CDH9: variants seen among roughly 807,000 people sequenced by gnomAD.
CDH9 encodes cadherin-9.
Under a neutral mutation model 70.9 loss-of-function variants are expected in CDH9, and 28 were observed. The ratio of observed to expected loss-of-function variants is 0.40; its 90% CI spans 0.29 to 0.54. CDH9 has a LOEUF of 0.54. Among genes scored for constraint, CDH9 ranks in the 20% least tolerant of loss-of-function variants. The pLI is 0.59. For synonymous variants in CDH9, 409 were observed against 343.1 expected (o/e 1.19, Z -2.12); for missense variants, 874 against 984.4 (o/e 0.89, Z 1.50).
rs548401410 is a variant in CDH9 at position 26,921,004 on chromosome 5, G to A, written c.229-5080C>T. ...AGACTAGTGAGGAAAACATGACTTC[G>A]TCAAATGAACTAAATAGGGCACCAG... On this transcript the variant is annotated intron_variant, in intron 2 of 11. Coordinates refer to ENST00000231021, the MANE Select transcript of CDH9 (RefSeq NM_016279.4). Among the ~76,000 whole-genome samples, 11 of 152,226 alleles carry A rather than the reference G, an allele frequency of 7.2e-5. No homozygotes were observed. The East Asian group carries it at 1.9e-3, about 27-fold the overall frequency.
At chr5:26,912,958 G>A (rs1173120568) in intron 3 of CDH9, among the ~76,000 whole-genome samples, 2 of 152,082 alleles carry the variant, frequency 1.3e-5, no homozygotes, top group Non-Finnish European at 2.9e-5. Flanking sequence ...CCCTGCACAA[G>A]CTCTCTTTCT....
intron 2 of CDH9, among the ~76,000 whole-genome samples, chr5:26,943,145 A>C (rs1008374028): frequency 6.6e-6 from 1 of 152,152 alleles, no homozygotes; most frequent in Non-Finnish European, 1.5e-5. Flanking sequence ...CCAAAAATGC[A>C]AACACAAAAC....
At chr5:26,899,526 C>G (rs1405129131) in intron 7 of CDH9, among the ~76,000 whole-genome samples, 2 of 152,102 alleles carry the variant, frequency 1.3e-5, no homozygotes, top group Non-Finnish European at 2.9e-5. Context: ...TGGAAATCAT[C>G]ATTCTCAACA....
At position 26,955,131 on chromosome 5, in the gene CDH9, C is replaced by G. The variant is rs1321842449; in HGVS notation, c.228+32975G>C. Among the ~76,000 whole-genome samples the G allele has an allele frequency of 9.8e-5, 15 of 152,336 alleles. No homozygotes were observed. The East Asian group carries it at 2.3e-3, about 23-fold the overall frequency. On this transcript the variant is annotated intron_variant, in intron 2 of 11. Transcript: ENST00000231021. The stretch of plus-strand genomic sequence containing the variant: ...ACTTAAAACCAAGAATCTCCATATA[C>G]TATTTCTCAACTCTTCTTTTCCAGT...
intron 2 of CDH9, among the ~76,000 whole-genome samples, chr5:26,937,528 T>C (rs939258930): frequency 6.6e-6 from 1 of 152,160 alleles, no homozygotes; most frequent in African/African-American, 2.4e-5. Context: ...TTGAAAAGCC[T>C]GTTGCATGAA....
intron 2 of CDH9, among the ~76,000 whole-genome samples, chr5:26,966,080 G>C (rs1742124312): frequency 6.6e-6 from 1 of 152,044 alleles, no homozygotes; most frequent in Admixed American, 6.6e-5. Context: ...CTTCACTGTT[G>C]TGCTTCTCTT....
intron 2 of CDH9, among the ~76,000 whole-genome samples, chr5:26,950,161 G>T (rs2112045812): frequency 6.6e-6 from 1 of 152,232 alleles, no homozygotes; most frequent in African/African-American, 2.4e-5. Flanking sequence ...TTGCTACTGG[G>T]TATAGAAGGA....
At chr5:27,014,629 C>T (rs1403815696) in intron 1 of CDH9, among the ~76,000 whole-genome samples, 2 of 151,710 alleles carry the variant, frequency 1.3e-5, no homozygotes, top group Non-Finnish European at 2.9e-5. Context: ...ATATGTACAT[C>T]ATACTTATAT....
rs146212474 is a variant in CDH9, at chr5:26,927,867, C to T, written c.229-11943G>A. ...ATGACACTGTCTGAAAACATCACCC[C>T]TACTTCTCTTATTAGTGGCCCCCAC... On this transcript the variant is annotated intron_variant, in intron 2 of 11. Transcript: ENST00000231021. 8.9e-3 allele frequency among the ~76,000 whole-genome samples: 1,359 copies of T among 152,070 alleles called. 21 individuals carry two copies. Among genetic ancestry groups the T allele is most frequent in the African/African-American group, 0.032 (1,309 of 41,494 alleles).
At chr5:26,961,950 A>T (rs1486499064) in intron 2 of CDH9, among the ~76,000 whole-genome samples, 4 of 152,010 alleles carry the variant, frequency 2.6e-5, no homozygotes, top group Admixed American at 2.6e-4. Flanking sequence ...TACATTAGGT[A>T]TTTCTCCTAA....
intron 2 of CDH9, among the ~76,000 whole-genome samples, chr5:26,930,147 A>G (rs1404024708): frequency 6.6e-6 from 1 of 152,070 alleles, no homozygotes; most frequent in Non-Finnish European, 1.5e-5. Context: ...ATAAATATAA[A>G]AAATTCAAAA....
chr5:26,903,263 A>G (rs1740887363), intron 6 of CDH9: 2 of 325,440 alleles, frequency 6.1e-6, no homozygotes, highest in South Asian at 2.7e-5. Context: ...GAAAACACAA[A>G]GCATCTTCAG....
chr5:26,965,669 A>C (rs1327866193), intron 2 of CDH9, among the ~76,000 whole-genome samples: 3 of 151,346 alleles, frequency 2.0e-5, no homozygotes. Flanking sequence ...AAAATTGGAC[A>C]ACTAGAAACT....
chr5:27,022,098 G>C (rs919439785), intron 1 of CDH9, among the ~76,000 whole-genome samples: 4 of 151,792 alleles, frequency 2.6e-5, no homozygotes, highest in African/African-American at 7.3e-5. Flanking sequence ...GATAAAACAC[G>C]GTTAAGAATA....
At chr5:27,013,572 A>G (rs1176929162) in intron 1 of CDH9, among the ~76,000 whole-genome samples, 1 of 151,916 alleles carries the variant, frequency 6.6e-6, no homozygotes, top group East Asian at 1.9e-4. Flanking sequence ...GAGCTTCTCC[A>G]TGATCGTGCC....
At chr5:26,889,779 C>A (rs1740624391) in intron 9 of CDH9, 57 bp downstream of exon 9, 2 of 1,067,756 alleles carry the variant, frequency 1.9e-6, no homozygotes, top group African/African-American at 1.6e-5. Context: ...GATGTAATGT[C>A]ATTTGACTTT....
intron 1 of CDH9, among the ~76,000 whole-genome samples, chr5:27,029,570 C>A (rs1199794226): frequency 6.6e-6 from 1 of 151,924 alleles, no homozygotes; most frequent in East Asian, 1.9e-4. Flanking sequence ...CTCTTCCCAG[C>A]GCAGCAGGTG....
chr5:27,017,376 T>TA (rs907062229), intron 1 of CDH9, among the ~76,000 whole-genome samples: 8 of 151,924 alleles, frequency 5.3e-5, no homozygotes, highest in African/African-American at 7.2e-5. Context: ...AGGGAATTTT[T>TA]AAAAAAATGT....
At chr5:27,020,282 T>A (rs904870579) in intron 1 of CDH9, among the ~76,000 whole-genome samples, 2 of 151,712 alleles carry the variant, frequency 1.3e-5, no homozygotes, top group African/African-American at 4.8e-5. Flanking sequence ...CTTAAACAGC[T>A]TAAAAATAAA....
Sources: gnomAD v4.1 joint callset for allele counts (sites outside exome capture counted in the v4.1 genomes callset) on GRCh38, gnomAD v4.1.1 for gene constraint, MANE v1.5 for transcripts, NCBI Gene and HGNC (gene_info 2026-07-23, HGNC 2026-07-21) for gene names.